The following PPM1L variants were observed in gnomAD, a reference collection of about 807,000 sequenced individuals.
PPM1L encodes protein phosphatase 1L.
PPM1L carries 13 observed loss-of-function variants against 31.4 expected under a neutral mutation model. That is an observed-to-expected ratio of 0.41 (90% CI 0.27 to 0.66). The LOEUF is 0.66. Ranked by LOEUF, PPM1L falls within the 30% of genes least tolerant of loss-of-function variation. The probability of loss-of-function intolerance (pLI) is 0.29; values close to 1 mark genes in which losing one functional copy is unlikely to be tolerated. For synonymous variants in PPM1L, 184 were observed against 175.4 expected (o/e 1.05, Z -0.39); for missense variants, 326 against 453.7 (o/e 0.72, Z 2.56).
At position 160,804,093 on chromosome 3, in the gene PPM1L, C is replaced by T. The variant is rs865976360; in HGVS notation, c.399+47386C>T. On this transcript the variant is annotated intron_variant, in intron 1 of 3. Coordinates refer to ENST00000498165, the MANE Select transcript of PPM1L (RefSeq NM_139245.4). ...CCACCACGCCCAGCTAATTTTTTTTCTTTTTTTTTTTTCTATTTTTAGTAG... is the reference window on the plus strand; with the variant it reads ...CCACCACGCCCAGCTAATTTTTTTTTTTTTTTTTTTTTCTATTTTTAGTAG... Among the ~76,000 whole-genome samples, 1,386 of 144,898 alleles carry T rather than the reference C, an allele frequency of 9.6e-3. 14 individuals carry two copies. The highest frequency in any genetic ancestry group is 0.032 in the African/African-American group (1,276 of 39,842).
chr3:160,963,162 T>C (rs1348146025), intron 2 of PPM1L, among the ~76,000 whole-genome samples: 2 of 152,058 alleles, frequency 1.3e-5, no homozygotes, highest in African/African-American at 4.8e-5. Flanking sequence ...ATAGAACTCA[T>C]ATAGTCCGCC....
chr3:160,861,794 A>G (rs759272344), intron 1 of PPM1L, among the ~76,000 whole-genome samples: 8 of 152,186 alleles, frequency 5.3e-5, no homozygotes, highest in Non-Finnish European at 1.0e-4. Context: ...TGAAGGCTCT[A>G]GGGGAGAATT....
chr3:160,883,379 A>G (rs1712791924), intron 1 of PPM1L, among the ~76,000 whole-genome samples: 3 of 152,314 alleles, frequency 2.0e-5, no homozygotes, highest in Admixed American at 2.0e-4. Context: ...TACAAAAGCT[A>G]TGTATAATGC....
At chr3:160,893,759 G>C (rs1713234563) in intron 1 of PPM1L, among the ~76,000 whole-genome samples, 1 of 152,028 alleles carries the variant, frequency 6.6e-6, no homozygotes. Flanking sequence ...GAGTAAAATG[G>C]GCCTTGGATA....
chr3:160,789,816 G>C (rs1020500963), intron 1 of PPM1L, among the ~76,000 whole-genome samples: 23 of 151,872 alleles, frequency 1.5e-4, no homozygotes, highest in African/African-American at 5.1e-4. Flanking sequence ...ACATGATCAT[G>C]TGTGTATAGT....
chr3:160,970,912 T>A (rs1229681462), intron 2 of PPM1L, among the ~76,000 whole-genome samples: 1 of 149,040 alleles, frequency 6.7e-6, no homozygotes, highest in Non-Finnish European at 1.5e-5. Flanking sequence ...TGCCTCAGCC[T>A]CCCGAGTAGC....
At chr3:160,757,795 A>G (rs1478502149) in intron 1 of PPM1L, among the ~76,000 whole-genome samples, 1 of 151,786 alleles carries the variant, frequency 6.6e-6, no homozygotes, top group East Asian at 1.9e-4. Context: ...CCTCCCCCGA[A>G]CTCCCATACA....
intron 2 of PPM1L, among the ~76,000 whole-genome samples, chr3:160,965,390 A>G (rs1050874848): frequency 2.0e-5 from 3 of 152,144 alleles, no homozygotes; most frequent in Admixed American, 6.6e-5. Context: ...CACATTCAGT[A>G]AAATCTGTAC....
At position 160,981,421 on chromosome 3, in the gene PPM1L, G is replaced by A. The variant is rs1039776630; in HGVS notation, c.574+19511G>A. Reference sequence around the variant, plus strand: ...TCTTCATAAGGCCTCTTGCCACATGGCTTCCCTCAGTGTGAGTGATGTAAG... The same window carrying A: ...TCTTCATAAGGCCTCTTGCCACATGACTTCCCTCAGTGTGAGTGATGTAAG... On this transcript the variant is annotated intron_variant, in intron 2 of 3. Transcript: ENST00000498165. 5.3e-5 allele frequency among the ~76,000 whole-genome samples: 8 copies of A among 152,158 alleles called. No homozygotes were observed. The East Asian group carries it at 1.5e-3, about 29-fold the overall frequency.
chr3:160,786,632 T>G (rs1711942009), intron 1 of PPM1L, among the ~76,000 whole-genome samples: 1 of 151,624 alleles, frequency 6.6e-6, no homozygotes, highest in Admixed American at 6.6e-5. Context: ...GGTACCTGTA[T>G]AGGTTTGTTA....
intron 2 of PPM1L, among the ~76,000 whole-genome samples, chr3:161,062,926 A>G (rs1457205831): frequency 6.6e-6 from 1 of 152,218 alleles, no homozygotes; most frequent in South Asian, 2.1e-4. Context: ...GCCTAACTGC[A>G]TAGACTTAGA....
At chr3:161,051,682 T>C (rs1268777901) in intron 2 of PPM1L, among the ~76,000 whole-genome samples, 2 of 152,136 alleles carry the variant, frequency 1.3e-5, no homozygotes, top group East Asian at 3.8e-4. Flanking sequence ...TGGATCAAAA[T>C]GGCCCAAAAT....
At chr3:160,763,431 TA>T (rs1337092958) in intron 1 of PPM1L, among the ~76,000 whole-genome samples, 3 of 152,164 alleles carry the variant, frequency 2.0e-5, no homozygotes, top group African/African-American at 7.2e-5. Flanking sequence ...CTAGCTAGTT[TA>T]AAAAAATAAA....
chr3:160,809,994 T>TA (rs1430819624), intron 1 of PPM1L, among the ~76,000 whole-genome samples: 2 of 152,086 alleles, frequency 1.3e-5, no homozygotes, highest in Non-Finnish European at 2.9e-5. Flanking sequence ...GGTTATATGA[T>TA]ATACTGTATG....
intron 2 of PPM1L, among the ~76,000 whole-genome samples, chr3:161,052,433 T>C (rs746684302): frequency 9.2e-5 from 14 of 152,224 alleles, no homozygotes; most frequent in Non-Finnish European, 1.6e-4. Context: ...TCCTGGGGTG[T>C]GGCCCAAAAC....
intron 1 of PPM1L, among the ~76,000 whole-genome samples, chr3:160,847,993 G>A (rs1714134813): frequency 1.3e-5 from 2 of 152,216 alleles, no homozygotes; most frequent in South Asian, 4.1e-4. Context: ...TGGAATGGAG[G>A]GCAGTCTGAT....
intron 2 of PPM1L, among the ~76,000 whole-genome samples, chr3:160,978,005 C>T (rs1191988829): frequency 6.6e-6 from 1 of 152,078 alleles, no homozygotes; most frequent in Non-Finnish European, 1.5e-5. Context: ...CAAAGACTTG[C>T]TTACAATTGG....
rs139774522 is a variant in PPM1L, at chr3:160,956,609, T to A, written c.400-5127T>A. Among the ~76,000 whole-genome samples, 36 of 152,314 alleles carry A rather than the reference T, an allele frequency of 2.4e-4. 1 individual carries two copies. The East Asian group carries it at 6.6e-3, about 28-fold the overall frequency. On this transcript the variant is annotated intron_variant, in intron 1 of 3. Coordinates refer to ENST00000498165, the MANE Select transcript of PPM1L (RefSeq NM_139245.4). ...GGCAAGAATGGAGAAGATCAAATGA[T>A]TATGGAGAGGAAAGCATTAAATAAA...
chr3:160,842,897 A>G (rs1560123193), intron 1 of PPM1L, among the ~76,000 whole-genome samples: 1 of 152,178 alleles, frequency 6.6e-6, no homozygotes. Flanking sequence ...GTTCTAACTC[A>G]CCATTTAGCT....
Sources: allele counts gnomAD v4.1 joint callset (sites outside exome capture counted in the v4.1 genomes callset), GRCh38; gene constraint gnomAD v4.1.1; transcripts MANE v1.5; gene names NCBI Gene and HGNC (gene_info 2026-07-23, HGNC 2026-07-21).